GTPBP6: variants seen among roughly 807,000 people sequenced by gnomAD.
The protein encoded by GTPBP6 is putative GTP-binding protein 6.
Under a neutral mutation model 28.9 loss-of-function variants are expected in GTPBP6, and 33 were observed. The observed-to-expected ratio is 1.14, with a 90% confidence interval of 0.87 to 1.53. The LOEUF is 1.53. GTPBP6 is among the 40% of genes most tolerant of loss of function. GTPBP6 has a pLI of 0.00. For missense variants in GTPBP6, 507 were observed against 408.3 expected (o/e 1.24, Z -2.08); for synonymous variants, 231 against 192.7 (o/e 1.20, Z -1.65).
At chrX:312,957 C>G (rs760178447) in intron 5 of GTPBP6, 33 bp from the exon 6 acceptor site, 4 of 1,591,468 alleles carry the variant, frequency 2.5e-6, no homozygotes, top group Non-Finnish European at 3.4e-6. Context: ...AGGCGGTGAG[C>G]CACGCCGGGA....
chrX:310,799 C>G (rs1249322121), intron 7 of GTPBP6, among the ~76,000 whole-genome samples: 2 of 151,882 alleles, frequency 1.3e-5, no homozygotes, highest in East Asian at 3.9e-4. Context: ...CCTGTGGTTT[C>G]TGGCCCCCAT....
At chrX:311,011 C>T (rs1477970724) in intron 7 of GTPBP6, among the ~76,000 whole-genome samples, 4 of 151,986 alleles carry the variant, frequency 2.6e-5, no homozygotes, top group South Asian at 2.1e-4. Flanking sequence ...GCACATAAGC[C>T]GGGAGAGGAC....
At chrX:309,318 G>A (rs1008538064) in intron 7 of GTPBP6, among the ~76,000 whole-genome samples, 1 of 152,094 alleles carries the variant, frequency 6.6e-6, no homozygotes, top group African/African-American at 2.4e-5. Context: ...GAGCCAAACA[G>A]CACCCCGCCC....
At chrX:314,766 G>C (rs1483700164) in intron 4 of GTPBP6, 124 bp downstream of exon 4, 8 of 412,240 alleles carry the variant, frequency 1.9e-5, no homozygotes, top group African/African-American at 1.4e-4. Context: ...GTGAGCCACC[G>C]CGCCCGGCCC....
Position 305,033 on chromosome X carries a change from G to C in GTPBP6, c.*41C>G, listed in dbSNP as rs769109430. ...CAGCGGTAACGCCTCAGCTCCCCAG[G>C]CAGCGATGCCCCCACCCCGCAGGCC... On this transcript the variant is annotated 3_prime_UTR_variant, in exon 10 of 10. Coordinates refer to ENST00000326153, the Ensembl canonical transcript of GTPBP6. 5.6e-6 allele frequency: 9 copies of C among 1,605,808 alleles called. No homozygotes were observed. In the East Asian group the frequency reaches 1.8e-4, roughly 32 times the overall value.
At chrX:311,901 G>T in intron 6 of GTPBP6, 1 of 600,176 alleles carries the variant, frequency 1.7e-6, no homozygotes, top group Non-Finnish European at 3.0e-6. Flanking sequence ...GGATGGGAGT[G>T]AGGTCGTCTG....
intron 2 of GTPBP6, among the ~76,000 whole-genome samples, chrX:316,146 CAG>C (rs2070434322): frequency 9.9e-6 from 1 of 100,712 alleles, no homozygotes; most frequent in Non-Finnish European, 2.0e-5. Flanking sequence ...CACACACACA[CAG>C]TAAATACATC....
intron 7 of GTPBP6, among the ~76,000 whole-genome samples, chrX:308,332 GA>G (rs370122329): frequency 0.069 from 10,447 of 150,874 alleles, 977 homozygotes; most frequent in African/African-American, 0.22. Context: ...AAAACACAGG[GA>G]AAAAAAAATA....
At chrX:311,757 A>T (rs2070305182) in intron 6 of GTPBP6, 130 bp from the exon 7 acceptor site, 2 of 754,326 alleles carry the variant, frequency 2.7e-6, no homozygotes, top group Non-Finnish European at 4.5e-6. Flanking sequence ...ACGGTCCCTG[A>T]GCTCCTCGGG....
chrX:313,405 A>G (rs2070355265), intron 5 of GTPBP6, among the ~76,000 whole-genome samples: 1 of 152,176 alleles, frequency 6.6e-6, no homozygotes, highest in Non-Finnish European at 1.5e-5. Context: ...TGACGAGGCC[A>G]CAAGCCTGGG....
intron 9 of GTPBP6, among the ~76,000 whole-genome samples, chrX:305,831 A>G (rs1182474548): frequency 6.6e-6 from 1 of 151,862 alleles, no homozygotes; most frequent in Non-Finnish European, 1.5e-5. Context: ...TCACCGTGTT[A>G]GCCAGGCTGG....
At chrX:313,201 C>T (rs2070351234) in intron 5 of GTPBP6, among the ~76,000 whole-genome samples, 2 of 152,232 alleles carry the variant, frequency 1.3e-5, no homozygotes, top group African/African-American at 2.4e-5. Flanking sequence ...ACTACGGAGG[C>T]CTCCGAGCGG....
At chrX:304,936 G>A (rs1181141916) in exon 10 of GTPBP6, 1 of 1,467,234 alleles carries the variant, frequency 6.8e-7, no homozygotes, top group Admixed American at 2.5e-5. Context: ...CCAGCAAATG[G>A]CTGGGAGCGA....
At chrX:313,721 G>C (rs1287815252) in intron 5 of GTPBP6, among the ~76,000 whole-genome samples, 2 of 151,312 alleles carry the variant, frequency 1.3e-5, no homozygotes, top group Non-Finnish European at 2.9e-5. Flanking sequence ...CGGAGGCAGA[G>C]ACTGGAGTGA....
At chrX:311,113 G>A (rs866470101) in intron 7 of GTPBP6, among the ~76,000 whole-genome samples, 9 of 151,190 alleles carry the variant, frequency 6.0e-5, no homozygotes, top group Non-Finnish European at 8.8e-5. Context: ...TCAGCCTCTC[G>A]CCCGGGGACG....
chrX:313,462 C>G (rs890256426), intron 5 of GTPBP6, among the ~76,000 whole-genome samples: 1 of 146,784 alleles, frequency 6.8e-6, no homozygotes, highest in Non-Finnish European at 1.5e-5. Flanking sequence ...GGACCCTGCC[C>G]TAGAGCCTCC....
chrX:314,562 T>TA (rs2070391202), intron 4 of GTPBP6, among the ~76,000 whole-genome samples: 3 of 151,438 alleles, frequency 2.0e-5, no homozygotes, highest in African/African-American at 7.3e-5. Flanking sequence ...AAGCTCCACC[T>TA]CTGGGGTTCA....
chrX:306,863 C>T lies in GTPBP6; in HGVS notation c.1427+497G>A, dbSNP rs1327363582. Among the ~76,000 whole-genome samples, 3 of 121,336 alleles carry T rather than the reference C, an allele frequency of 2.5e-5. No homozygotes were observed. The Admixed American group carries it at 2.8e-4, about 11-fold the overall frequency. 79.6% of individuals were successfully genotyped at this position (121,336 alleles called of 152,430 possible). A position where few individuals can be genotyped will look rare whatever the true frequency, so the allele number is the denominator to read the frequency against. On this transcript the variant is annotated intron_variant, in intron 9 of 9. Transcript: ENST00000326153. The stretch of plus-strand genomic sequence containing the variant: ...TTTGAGTGTCAGCACAGATTAGGCA[C>T]CTGTTGTATGCAGTCAGAAATGTAC...
Position 315,311 on chromosome X carries a change from A to G in GTPBP6, c.488-12T>C, listed in dbSNP as rs1485998911. 7.0e-3 allele frequency: 2,801 copies of G among 398,470 alleles called. 23 individuals are homozygous for G. Among genetic ancestry groups the G allele is most frequent in the Middle Eastern group, 8.8e-3 (14 of 1,586 alleles). The allele number at this position is 398,470 out of a possible 1,614,324, so 24.7% of individuals were successfully genotyped here. Reference sequence around the variant, plus strand: ...CCCTCGGATCTTTTCTAACAGAAAGAGGGGGTCCCGTCAGAGGCTGGCCGT... The same window carrying G: ...CCCTCGGATCTTTTCTAACAGAAAGGGGGGGTCCCGTCAGAGGCTGGCCGT... On this transcript the variant is annotated splice_polypyrimidine_tract_variant and intron_variant, in intron 2 of 9. Transcript: ENST00000326153.
Sources: gnomAD v4.1 joint callset for allele counts (sites outside exome capture counted in the v4.1 genomes callset) on GRCh38, gnomAD v4.1.1 for gene constraint, MANE v1.5 for transcripts, NCBI Gene and HGNC (gene_info 2026-07-23, HGNC 2026-07-21) for gene names.